Variants in LINC00632 observed in about 807,000 individuals in gnomAD.
LINC00632 encodes the protein ALDOA related specific transcript.
rs141666602 is a variant in LINC00632, at chrX:140,760,695, C to T, written n.192-11383C>T. ...CTGAGGCAGGAGAATCACTTGAACC[C>T]GGGAGGCAGAGGTTGCAGTGAGCAA... On this transcript the variant is annotated intron_variant and non_coding_transcript_variant, in intron 3 of 4. Coordinates refer to ENST00000648200, the Ensembl canonical transcript of LINC00632. Among the ~76,000 whole-genome samples, 173 of 111,142 alleles carry T rather than the reference C, an allele frequency of 1.6e-3. No individual in the cohort carries two copies. In the Middle Eastern group the frequency reaches 0.019, roughly 12 times the overall value.
At chrX:140,712,408 C>CTT (rs61359627) in intron 2 of LINC00632, among the ~76,000 whole-genome samples, 14 of 84,432 alleles carry the variant, frequency 1.7e-4, no homozygotes, top group East Asian at 3.7e-4. Context: ...CCTTCAACCT[C>CTT]TTTTTTTTTT....
rs764713177 is a variant in LINC00632 at position 140,765,232 on chromosome X, C to T, written n.192-6846C>T. Among the ~76,000 whole-genome samples, 12 of 111,170 alleles carry T rather than the reference C, an allele frequency of 1.1e-4. No homozygotes were observed. The East Asian group carries it at 2.6e-3, about 24-fold the overall frequency. On this transcript the variant is annotated intron_variant and non_coding_transcript_variant, in intron 3 of 4. Coordinates refer to ENST00000648200, the Ensembl canonical transcript of LINC00632. ...AGACCTCCGGTTTTCGTTGTGTATA[C>T]GCCTTCCTGGTTGTGTGGGAAGGGG...
chrX:140,724,210 TACACAGACAC>T (rs1569348637), intron 2 of LINC00632, among the ~76,000 whole-genome samples: 1 of 60,856 alleles, frequency 1.6e-5, no homozygotes, highest in African/African-American at 5.7e-5. Flanking sequence ...ACACATTCCA[TACACAGACAC>T]ATTCCATACA....
exon 5 of LINC00632, among the ~76,000 whole-genome samples, chrX:140,786,517 T>A (rs1452098172): frequency 9.0e-6 from 1 of 111,601 alleles, no homozygotes; most frequent in Non-Finnish European, 1.9e-5. Flanking sequence ...GTATATCAGT[T>A]TTACTAATCT....
At chrX:140,723,101 T>C (rs1485917821) in intron 2 of LINC00632, among the ~76,000 whole-genome samples, 1 of 109,334 alleles carries the variant, frequency 9.1e-6, no homozygotes, top group Non-Finnish European at 1.9e-5. Flanking sequence ...CAAGACTTGC[T>C]TCAGAGCACA....
chrX:140,729,377 G>GA (rs1055803301), intron 2 of LINC00632, among the ~76,000 whole-genome samples: 8 of 106,651 alleles, frequency 7.5e-5, no homozygotes, highest in Non-Finnish European at 1.4e-4. Flanking sequence ...ACCACCCTCA[G>GA]AAAAAAAAAC....
Position 140,713,370 on chromosome X carries a change from G to C in LINC00632, n.104+1714G>C, listed in dbSNP as rs748523061. 1.5e-5 allele frequency: 4 copies of C among 266,406 alleles called. No individual in the cohort carries two copies. The East Asian group carries it at 4.1e-4, about 28-fold the overall frequency. 22.0% of individuals were successfully genotyped at this position (266,406 alleles called of 1,213,427 possible). On this transcript the variant is annotated intron_variant and non_coding_transcript_variant, in intron 2 of 4. Transcript: ENST00000648200. ...AACAGACTGCCTGGTTTCAGACCTC[G>C]GCTGCTTGCTAGTTGCATGACTGTG...
chrX:140,775,582 C>T (rs537437088), exon 5 of LINC00632, among the ~76,000 whole-genome samples: 27 of 111,490 alleles, frequency 2.4e-4, no homozygotes, highest in South Asian at 1.1e-3. Context: ...CTGTTTGTGC[C>T]GGATTCACAG....
chrX:140,750,912 T>A (rs1299108428), intron 3 of LINC00632, among the ~76,000 whole-genome samples: 2 of 111,973 alleles, frequency 1.8e-5, no homozygotes, highest in African/African-American at 3.2e-5. Flanking sequence ...CTTAGAATAA[T>A]GGCCTCCAGC....
At chrX:140,744,671 G>A (rs981686959) in intron 3 of LINC00632, among the ~76,000 whole-genome samples, 1 of 108,441 alleles carries the variant, frequency 9.2e-6, no homozygotes. Context: ...CCAGGTGCAA[G>A]CGATTCTTCT....
intron 3 of LINC00632, among the ~76,000 whole-genome samples, chrX:140,770,406 T>C (rs753566804): frequency 1.1e-3 from 128 of 111,770 alleles, no homozygotes; most frequent in Non-Finnish European, 1.9e-3. Context: ...GATTTAAAAA[T>C]TGGTAACTAT....
chrX:140,771,838 C>G (rs750189540), intron 3 of LINC00632, among the ~76,000 whole-genome samples: 14 of 97,530 alleles, frequency 1.4e-4, no homozygotes, highest in African/African-American at 3.8e-4. Context: ...TGCCACCATG[C>G]CCAGCTAATT....
intron 3 of LINC00632, among the ~76,000 whole-genome samples, chrX:140,766,035 C>T (rs140964081): frequency 7.1e-4 from 79 of 111,870 alleles, no homozygotes; most frequent in African/African-American, 2.0e-3. Flanking sequence ...GATCCCTGGC[C>T]TGCTAAACAG....
At chrX:140,738,177 T>G (rs1931172163) in intron 3 of LINC00632, among the ~76,000 whole-genome samples, 1 of 111,537 alleles carries the variant, frequency 9.0e-6, no homozygotes, top group African/African-American at 3.3e-5. Context: ...AGATGGAAAA[T>G]AATGCTTAAT....
chrX:140,788,806 ATATG>A (rs1360134909), exon 5 of LINC00632, among the ~76,000 whole-genome samples: 1 of 103,148 alleles, frequency 9.7e-6, no homozygotes, highest in Non-Finnish European at 2.0e-5. Context: ...ATATACACAT[ATATG>A]TATCTATATT....
chrX:140,719,242 C>A (rs761208602), intron 2 of LINC00632, among the ~76,000 whole-genome samples: 2 of 111,611 alleles, frequency 1.8e-5, no homozygotes, highest in South Asian at 7.7e-4. Flanking sequence ...CACACCGACA[C>A]ACCCCATATC....
chrX:140,718,412 CTTT>C (rs569513861), intron 2 of LINC00632, among the ~76,000 whole-genome samples: 3 of 95,516 alleles, frequency 3.1e-5, no homozygotes, highest in Non-Finnish European at 2.1e-5. Flanking sequence ...TGCACCTATT[CTTT>C]TTTTTTTTTT....
chrX:140,716,343 G>C (rs1373457493), intron 2 of LINC00632: 2 of 111,612 alleles, frequency 1.8e-5, no homozygotes, highest in Non-Finnish European at 3.8e-5. Context: ...AAAGATAAGA[G>C]TAGTGCCTAC....
exon 5 of LINC00632, among the ~76,000 whole-genome samples, chrX:140,789,175 G>T (rs772311216): frequency 4.6e-5 from 5 of 108,273 alleles, no homozygotes; most frequent in Middle Eastern, 5.0e-3. Context: ...GAAAAGTGTT[G>T]ATATGTTATT....
Sources: gnomAD v4.1 joint callset for allele counts (sites outside exome capture counted in the v4.1 genomes callset) on GRCh38, gnomAD v4.1.1 for gene constraint, MANE v1.5 for transcripts, NCBI Gene and HGNC (gene_info 2026-07-23, HGNC 2026-07-21) for gene names.